The following JPH3 variants were observed in gnomAD, a reference collection of about 807,000 sequenced individuals.
The protein encoded by JPH3 is junctophilin 3, also known as junctophilin-3.
JPH3 carries 11 observed loss-of-function variants against 59.6 expected under a neutral mutation model. That is an observed-to-expected ratio of 0.18 (90% confidence interval 0.12 to 0.31). The LOEUF (loss-of-function observed/expected upper bound fraction) is 0.31. JPH3 is among the 10% of genes least tolerant of loss of function. The pLI is 1.00. For missense variants in JPH3, 1,202 were observed against 1,105.7 expected (o/e 1.09, Z -1.24); for synonymous variants, 673 against 483.6 (o/e 1.39, Z -5.14).
chr16:87,614,201 G>A (rs145041822), intron 1 of JPH3, among the ~76,000 whole-genome samples: 358 of 152,078 alleles, frequency 2.4e-3, no homozygotes, highest in African/African-American at 8.4e-3. Context: ...GAGGAGCCGC[G>A]TGTCCCCTCC....
chr16:87,672,750 G>A (rs2033050004), intron 2 of JPH3, among the ~76,000 whole-genome samples: 1 of 152,234 alleles, frequency 6.6e-6, no homozygotes, highest in African/African-American at 2.4e-5. Context: ...TGGTGGTGCG[G>A]AATGGGTGGT....
chr16:87,650,364 C>T (rs1410605808), intron 2 of JPH3, among the ~76,000 whole-genome samples: 9 of 152,120 alleles, frequency 5.9e-5, no homozygotes, highest in Non-Finnish European at 1.0e-4. Flanking sequence ...TCCAACCAGC[C>T]GCTCCCCCAT....
chr16:87,673,879 T>G (rs2033078614), intron 2 of JPH3, among the ~76,000 whole-genome samples: 1 of 151,954 alleles, frequency 6.6e-6, no homozygotes, highest in South Asian at 2.1e-4. Context: ...TGAGCTGAGA[T>G]TGTGCCACTG....
chr16:87,695,013 G>C (rs890882340), intron 4 of JPH3: 10 of 321,938 alleles, frequency 3.1e-5, no homozygotes, highest in Non-Finnish European at 5.5e-5. Flanking sequence ...CCGGGAGTGT[G>C]TGCACACACA....
intron 3 of JPH3, among the ~76,000 whole-genome samples, chr16:87,686,073 T>C (rs930262408): frequency 6.6e-6 from 1 of 150,546 alleles, no homozygotes; most frequent in African/African-American, 2.5e-5. Context: ...GGCTGGAGGG[T>C]GGCTGGAGCG....
chr16:87,685,485 G>A (rs536347958), intron 3 of JPH3, among the ~76,000 whole-genome samples: 10 of 152,232 alleles, frequency 6.6e-5, no homozygotes, highest in Non-Finnish European at 1.2e-4. Context: ...TCCTTGCCTC[G>A]CCCACGACCA....
intron 2 of JPH3, among the ~76,000 whole-genome samples, chr16:87,672,028 A>T (rs2033029964): frequency 6.6e-6 from 1 of 152,004 alleles, no homozygotes; most frequent in Non-Finnish European, 1.5e-5. Context: ...AGGCAGGTGT[A>T]GGGCTGGGCA....
Position 87,689,731 on chromosome 16 carries a change from C to A in JPH3, c.1371C>A (p.Ser457Arg). Residue 457 changes from serine to arginine, a missense_variant, in exon 4 of 5, where the codon AGC becomes AGA. Ser to Arg is a moderately radical substitution (Grantham distance 110). Transcript: ENST00000284262. ...LSTGTPLQQE[S>R]PELYRKGTTP... ...CCGGGACACCCCTGCAGCAGGAGAG[C>A]CCCGAGCTGTACCGCAAGGGCACCA... The A allele has an allele frequency of 6.2e-7, 1 of 1,612,474 alleles. No individual in the cohort carries two copies. Among genetic ancestry groups the A allele is most frequent in the Non-Finnish European group, 8.5e-7 (1 of 1,179,794 alleles).
chr16:87,680,991 T>G (rs1431930127), intron 2 of JPH3, among the ~76,000 whole-genome samples: 1 of 152,208 alleles, frequency 6.6e-6, no homozygotes, highest in Non-Finnish European at 1.5e-5. Context: ...GGGGGCATTG[T>G]GGTCGAGGTC....
intron 3 of JPH3, among the ~76,000 whole-genome samples, chr16:87,687,269 C>T (rs2033441337): frequency 6.6e-6 from 1 of 152,112 alleles, no homozygotes; most frequent in Non-Finnish European, 1.5e-5. Flanking sequence ...ACAGAGCCTC[C>T]AAGAGGGGAA....
rs372764157 is a variant in JPH3, at chr16:87,628,802, T to A, written c.383-15456T>A. On this transcript the variant is annotated intron_variant, in intron 1 of 4. Transcript: ENST00000284262. ...TTTGCCGTCCTGGGTGAGGTCGGGG[T>A]AAGAGAAAGCAGAGTCGGTCCCCAG... is the stretch of plus-strand genomic sequence containing the variant. 6.6e-5 allele frequency among the ~76,000 whole-genome samples: 10 copies of A among 150,610 alleles called. No individual in the cohort carries two copies. The East Asian group carries it at 1.2e-3, about 18-fold the overall frequency.
At chr16:87,645,765 C>T (rs1009224950) in intron 2 of JPH3, among the ~76,000 whole-genome samples, 1 of 152,132 alleles carries the variant, frequency 6.6e-6, no homozygotes, top group Non-Finnish European at 1.5e-5. Flanking sequence ...GGTCTGGCTC[C>T]TGTGGAGGTG....
At chr16:87,690,791 G>A (rs1333104687) in intron 4 of JPH3, among the ~76,000 whole-genome samples, 1 of 152,220 alleles carries the variant, frequency 6.6e-6, no homozygotes, top group Non-Finnish European at 1.5e-5. Context: ...CTGGTTTCCA[G>A]GCAGCATGGG....
At chr16:87,674,143 G>C (rs940427127) in intron 2 of JPH3, among the ~76,000 whole-genome samples, 4 of 151,818 alleles carry the variant, frequency 2.6e-5, no homozygotes, top group Non-Finnish European at 5.9e-5. Flanking sequence ...GACCATCCTG[G>C]CTAACACGGT....
chr16:87,689,213 A>G (rs919250827), intron 3 of JPH3, among the ~76,000 whole-genome samples: 7 of 152,154 alleles, frequency 4.6e-5, no homozygotes, highest in Non-Finnish European at 1.0e-4. Context: ...CCAGGCGGGT[A>G]GGGGTGTTGG....
chr16:87,675,149 C>A lies in JPH3; in HGVS notation c.1161-8993C>A, dbSNP rs1157759861. 4.3e-5 allele frequency among the ~76,000 whole-genome samples: 6 copies of A among 140,622 alleles called. No homozygotes were observed. The South Asian group carries it at 9.5e-4, about 22-fold the overall frequency. 92.3% of individuals were successfully genotyped at this position (140,622 alleles called of 152,430 possible). Reference sequence around the variant, plus strand: ...GAAGGATGATTTCTACCACCCCATGCCCCACCCCCCAGCTGGCAGAAGCTT... The same window carrying A: ...GAAGGATGATTTCTACCACCCCATGACCCACCCCCCAGCTGGCAGAAGCTT... On this transcript the variant is annotated intron_variant, in intron 2 of 4. Transcript: ENST00000284262.
chr16:87,673,066 A>C (rs906447916), intron 2 of JPH3, among the ~76,000 whole-genome samples: 3 of 152,166 alleles, frequency 2.0e-5, no homozygotes, highest in Admixed American at 2.0e-4. Flanking sequence ...GAATCGCTTA[A>C]ACCCAGGAGG....
At chr16:87,642,833 T>C (rs2031999550) in intron 1 of JPH3, among the ~76,000 whole-genome samples, 1 of 152,226 alleles carries the variant, frequency 6.6e-6, no homozygotes, top group African/African-American at 2.4e-5. Context: ...GAGTCACAGC[T>C]CACAGAGCAA....
chr16:87,605,035 G>C (rs1313240800), intron 1 of JPH3: 1 of 430,884 alleles, frequency 2.3e-6, no homozygotes, highest in East Asian at 7.2e-5. Flanking sequence ...AGCAGATGTG[G>C]GTGGCTGAGA....
Sources: allele counts gnomAD v4.1 joint callset (sites outside exome capture counted in the v4.1 genomes callset), GRCh38; gene constraint gnomAD v4.1.1; transcripts MANE v1.5; gene names NCBI Gene and HGNC (gene_info 2026-07-23, HGNC 2026-07-21).